Variants in CNTNAP2 observed in about 807,000 individuals in gnomAD.
CNTNAP2 encodes the protein contactin associated protein 2, also known as contactin-associated protein-like 2.
In CNTNAP2, 98 loss-of-function variants were observed where a neutral mutation model predicts 155.2. That is an observed-to-expected ratio of 0.63 (90% CI 0.54 to 0.75). CNTNAP2 has a LOEUF of 0.75. Ranked by LOEUF, CNTNAP2 falls within the 30% of genes least tolerant of loss-of-function variation. The pLI, the probability that CNTNAP2 is intolerant of heterozygous loss-of-function variation, is 0.00. For missense variants in CNTNAP2, 1,727 were observed against 1,688.1 expected, an observed-to-expected ratio of 1.02 and a Z score of -0.40; for synonymous variants, 651 against 631.2, an observed-to-expected ratio of 1.03 and a Z score of -0.47.
intron 1 of CNTNAP2, among the ~76,000 whole-genome samples, chr7:146,719,769 G>C (rs1293272835): frequency 6.6e-6 from 1 of 151,706 alleles, no homozygotes; most frequent in Admixed American, 6.6e-5. Context: ...TTTAAGGAAA[G>C]GTAACCTTTT....
rs569704682 is a variant in CNTNAP2 at position 146,119,566 on chromosome 7, C to T, written c.97+2593C>T. 3.9e-5 allele frequency among the ~76,000 whole-genome samples: 6 copies of T among 152,144 alleles called. 1 individual carries two copies. Among genetic ancestry groups the T allele is most frequent in the African/African-American group, 1.2e-4 (5 of 41,544 alleles). ...TGTAAATGTAGATACACGGGACACA[C>T]GTGGGAAGTTTAAAGAAAATATTTC... is the stretch of plus-strand genomic sequence containing the variant. On this transcript the variant is annotated intron_variant, in intron 1 of 23. Transcript: ENST00000361727.
At chr7:146,331,067 G>A (rs1392275910) in intron 1 of CNTNAP2, among the ~76,000 whole-genome samples, 1 of 152,136 alleles carries the variant, frequency 6.6e-6, no homozygotes, top group African/African-American at 2.4e-5. Flanking sequence ...CACTTTGGGA[G>A]GCCGAGTCGG....
intron 14 of CNTNAP2, among the ~76,000 whole-genome samples, chr7:147,953,748 T>C (rs994590280): frequency 6.6e-6 from 1 of 152,158 alleles, no homozygotes; most frequent in Non-Finnish European, 1.5e-5. Context: ...ATCTCTCTCG[T>C]AGCTTCTGGT....
chr7:148,183,793 T>G (rs547598606), intron 18 of CNTNAP2, among the ~76,000 whole-genome samples: 2 of 152,326 alleles, frequency 1.3e-5, no homozygotes, highest in Non-Finnish European at 2.9e-5. Flanking sequence ...ACTTATTTGC[T>G]TTTAATATTA....
chr7:146,772,345 A>G (rs1802307015), intron 1 of CNTNAP2, among the ~76,000 whole-genome samples: 1 of 151,952 alleles, frequency 6.6e-6, no homozygotes, highest in African/African-American at 2.4e-5. Flanking sequence ...GGCTTACAGC[A>G]GGGGTAGGAT....
At chr7:147,917,571 C>A (rs969863382) in intron 14 of CNTNAP2, among the ~76,000 whole-genome samples, 1 of 152,126 alleles carries the variant, frequency 6.6e-6, no homozygotes, top group Non-Finnish European at 1.5e-5. Flanking sequence ...CTTTACATAC[C>A]ACTTCCATTT....
intron 9 of CNTNAP2, among the ~76,000 whole-genome samples, chr7:147,361,611 T>A: frequency 6.6e-6 from 1 of 152,286 alleles, no homozygotes; most frequent in East Asian, 1.9e-4. Context: ...CTCAAACTTA[T>A]TGAGTAAGAT....
intron 9 of CNTNAP2, among the ~76,000 whole-genome samples, chr7:147,386,817 G>C (rs993401491): frequency 6.6e-6 from 1 of 152,050 alleles, no homozygotes; most frequent in African/African-American, 2.4e-5. Flanking sequence ...CACTCTACTG[G>C]TACCAGTTTA....
chr7:148,308,477 T>C (rs1797529010), intron 21 of CNTNAP2, among the ~76,000 whole-genome samples: 1 of 152,076 alleles, frequency 6.6e-6, no homozygotes, highest in Non-Finnish European at 1.5e-5. Flanking sequence ...TTTTAAAAAG[T>C]AGATCCAATT....
At chr7:148,396,099 A>G (rs898188234) in intron 22 of CNTNAP2, among the ~76,000 whole-genome samples, 2 of 152,136 alleles carry the variant, frequency 1.3e-5, no homozygotes, top group African/African-American at 4.8e-5. Flanking sequence ...AGCCTGTGTC[A>G]CGTGGGGCTG....
At chr7:147,798,024 T>C (rs1164873577) in intron 13 of CNTNAP2, among the ~76,000 whole-genome samples, 1 of 152,204 alleles carries the variant, frequency 6.6e-6, no homozygotes, top group East Asian at 1.9e-4. Flanking sequence ...GTAACTTGTC[T>C]TCCCACTTAG....
chr7:147,077,587 A>T (rs1483199687), intron 4 of CNTNAP2, among the ~76,000 whole-genome samples: 1 of 152,190 alleles, frequency 6.6e-6, no homozygotes, highest in Non-Finnish European at 1.5e-5. Flanking sequence ...CACCAAATAC[A>T]TAAATAATGT....
chr7:146,462,391 T>C (rs1053515546), intron 1 of CNTNAP2, among the ~76,000 whole-genome samples: 4 of 152,160 alleles, frequency 2.6e-5, no homozygotes, highest in Non-Finnish European at 5.9e-5. Flanking sequence ...AGAAAACAGA[T>C]GATCCTCTAT....
At chr7:146,548,014 A>C (rs1798055737) in intron 1 of CNTNAP2, among the ~76,000 whole-genome samples, 1 of 151,844 alleles carries the variant, frequency 6.6e-6, no homozygotes, top group South Asian at 2.1e-4. Context: ...TTTGTTACAC[A>C]GGTAAACTTT....
At chr7:147,041,588 T>C (rs1584799802) in intron 3 of CNTNAP2, among the ~76,000 whole-genome samples, 2 of 149,056 alleles carry the variant, frequency 1.3e-5, no homozygotes, top group South Asian at 4.2e-4. Context: ...CCTGATTACA[T>C]AGCCTTCAGG....
intron 3 of CNTNAP2, among the ~76,000 whole-genome samples, chr7:147,001,164 T>C (rs1471687198): frequency 6.6e-6 from 1 of 152,098 alleles, no homozygotes; most frequent in African/African-American, 2.4e-5. Context: ...TTTTTTGGTG[T>C]GTCTTTTCTA....
intron 15 of CNTNAP2, among the ~76,000 whole-genome samples, chr7:147,985,023 G>A (rs1256390049): frequency 3.3e-5 from 5 of 152,056 alleles, no homozygotes; most frequent in African/African-American, 7.3e-5. Flanking sequence ...ACTGAGGCAT[G>A]AGAATCGCTT....
At chr7:147,632,681 G>C (rs28836017) in intron 12 of CNTNAP2, among the ~76,000 whole-genome samples, 13,681 of 152,162 alleles carry the variant, frequency 0.09, 1,713 homozygotes, top group African/African-American at 0.26. Context: ...GGGTGCTGCT[G>C]TAAAGATATC....
At chr7:147,187,141 A>G (rs1177806107) in intron 8 of CNTNAP2, among the ~76,000 whole-genome samples, 1 of 152,138 alleles carries the variant, frequency 6.6e-6, no homozygotes, top group East Asian at 1.9e-4. Flanking sequence ...ATGAACATGG[A>G]GAGTATAGTT....
Sources: gnomAD v4.1 joint callset for allele counts (sites outside exome capture counted in the v4.1 genomes callset) on GRCh38, gnomAD v4.1.1 for gene constraint, MANE v1.5 for transcripts, NCBI Gene and HGNC (gene_info 2026-07-23, HGNC 2026-07-21) for gene names.